PPHLN1: variants seen among roughly 807,000 people sequenced by gnomAD.
PPHLN1 encodes periphilin 1.
PPHLN1 carries 29 observed loss-of-function variants against 51.3 expected under a neutral mutation model. The ratio of observed to expected loss-of-function variants is 0.57; its 90% confidence interval spans 0.42 to 0.77. PPHLN1 has a LOEUF of 0.77. Among genes scored for constraint, PPHLN1 ranks in the 30% least tolerant of loss-of-function variants. The pLI, the probability that PPHLN1 is intolerant of heterozygous loss-of-function variation, is 0.00. For missense variants in PPHLN1, 436 were observed against 438.4 expected (o/e 0.99, Z 0.05); for synonymous variants, 147 against 147.8 (o/e 0.99, Z 0.04).
chr12:42,401,570 A>G (rs1027492131), intron 9 of PPHLN1, among the ~76,000 whole-genome samples: 2 of 151,878 alleles, frequency 1.3e-5, no homozygotes. Context: ...TGCTTGTCAG[A>G]TCAGTGGTGG....
intron 9 of PPHLN1, among the ~76,000 whole-genome samples, chr12:42,401,547 T>C: frequency 6.6e-6 from 1 of 151,900 alleles, no homozygotes; most frequent in South Asian, 2.1e-4. Flanking sequence ...GAGCATTACC[T>C]CCTCAGCTCT....
chr12:42,371,239 C>T (rs1378574541), intron 4 of PPHLN1, among the ~76,000 whole-genome samples: 2 of 151,732 alleles, frequency 1.3e-5, no homozygotes, highest in African/African-American at 4.8e-5. Flanking sequence ...CCCGCCTCAG[C>T]CCCCTGAATA....
chr12:42,423,103 C>T (rs540681916), intron 9 of PPHLN1, among the ~76,000 whole-genome samples: 12 of 152,218 alleles, frequency 7.9e-5, no homozygotes, highest in Middle Eastern at 3.4e-3. Flanking sequence ...TTGGAAGGAA[C>T]TTAATATCAT....
chr12:42,374,481 C>G (rs898216457), intron 4 of PPHLN1, among the ~76,000 whole-genome samples: 2 of 151,950 alleles, frequency 1.3e-5, no homozygotes, highest in African/African-American at 4.8e-5. Flanking sequence ...GCTCTGTTGC[C>G]CAGGCTGGAG....
At position 42,418,211 on chromosome 12, in the gene PPHLN1, C is replaced by CTTTTT. The variant is rs60029170; in HGVS notation, c.909+19239_909+19243dup. ...CGCCTCGACCACTGCTCCCGGCCCT[C>CTTTTT]TTTTTTTTTTTTTTTTTTTTTTTTT... On this transcript the variant is annotated intron_variant, in intron 9 of 9. Coordinates refer to ENST00000358314, the MANE Select transcript of PPHLN1 (RefSeq NM_201439.2). 1.4e-3 allele frequency among the ~76,000 whole-genome samples: 135 copies of CTTTTT among 98,348 alleles called. 5 individuals carry two copies. The highest frequency in any genetic ancestry group is 1.6e-3 in the Non-Finnish European group (85 of 52,814). The allele number at this position is 98,348 out of a possible 152,430, so 64.5% of individuals were successfully genotyped here. A position where few individuals can be genotyped will look rare whatever the true frequency, so the allele number is the denominator to read the frequency against.
chr12:42,411,910 A>T (rs1188085493), intron 9 of PPHLN1, among the ~76,000 whole-genome samples: 2 of 136,256 alleles, frequency 1.5e-5, no homozygotes, highest in Admixed American at 7.4e-5. Flanking sequence ...TCTCAAAAAA[A>T]AAAAAAAAAA....
At chr12:42,432,136 G>A (rs1307801866) in intron 9 of PPHLN1, 6 of 1,142,512 alleles carry the variant, frequency 5.3e-6, no homozygotes, top group Non-Finnish European at 8.0e-6. Context: ...CTGTCACGCT[G>A]ATGTCGGCTG....
intron 5 of PPHLN1, among the ~76,000 whole-genome samples, chr12:42,383,077 T>C (rs2076894145): frequency 6.6e-6 from 1 of 152,202 alleles, no homozygotes; most frequent in Non-Finnish European, 1.5e-5. Flanking sequence ...TATTAGAAGA[T>C]TGTTAAATAG....
chr12:42,406,224 C>A (rs896978444), intron 9 of PPHLN1, among the ~76,000 whole-genome samples: 9 of 151,876 alleles, frequency 5.9e-5, no homozygotes, highest in African/African-American at 2.2e-4. Context: ...GCTGGGACTA[C>A]AGGCACCCGC....
At chr12:42,424,898 G>GA (rs567055616) in intron 9 of PPHLN1, among the ~76,000 whole-genome samples, 1 of 151,202 alleles carries the variant, frequency 6.6e-6, no homozygotes, top group Admixed American at 6.6e-5. Context: ...AAAACAAAAA[G>GA]AAAAAAAGCA....
At chr12:42,399,504 A>T in intron 9 of PPHLN1, 1 of 801,090 alleles carries the variant, frequency 1.2e-6, no homozygotes, top group Non-Finnish European at 1.5e-6. Context: ...TCATTTTATG[A>T]GGATTAAATG....
chr12:42,397,585 C>T (rs539890132), intron 8 of PPHLN1, among the ~76,000 whole-genome samples: 1 of 151,996 alleles, frequency 6.6e-6, no homozygotes, highest in African/African-American at 2.4e-5. Context: ...GTGTATAGGC[C>T]TATGTCTTAG....
intron 5 of PPHLN1, among the ~76,000 whole-genome samples, chr12:42,383,983 CAAAAAAAAAAAAAA>C (rs61016692): frequency 0.084 from 4,347 of 51,840 alleles, 294 homozygotes; most frequent in African/African-American, 0.23. Flanking sequence ...GACTGTGTCT[CAAAAAAAAAAAAAA>C]AAAAAAAAAA....
chr12:42,394,964 C>T (rs1413270054), intron 8 of PPHLN1, among the ~76,000 whole-genome samples: 2 of 152,068 alleles, frequency 1.3e-5, no homozygotes, highest in African/African-American at 4.8e-5. Flanking sequence ...TACTTCATCT[C>T]CAATTAACAA....
chr12:42,384,117 G>A (rs1432924277), intron 5 of PPHLN1, among the ~76,000 whole-genome samples: 1 of 150,532 alleles, frequency 6.6e-6, no homozygotes, highest in Admixed American at 6.7e-5. Flanking sequence ...TGAATAATGA[G>A]AAAAGGATAC....
At chr12:42,396,807 G>A (rs1408372673) in intron 8 of PPHLN1, among the ~76,000 whole-genome samples, 1 of 150,164 alleles carries the variant, frequency 6.7e-6, no homozygotes, top group Non-Finnish European at 1.5e-5. Context: ...AAAGAAATGG[G>A]GACAGCGGGG....
intron 4 of PPHLN1, among the ~76,000 whole-genome samples, chr12:42,359,843 C>G (rs1276948840): frequency 6.6e-6 from 1 of 152,104 alleles, no homozygotes; most frequent in Non-Finnish European, 1.5e-5. Context: ...TGTGATGGCT[C>G]ACGCCTGTAA....
chr12:42,437,435 G>C (rs974047489), intron 9 of PPHLN1, among the ~76,000 whole-genome samples: 3 of 152,178 alleles, frequency 2.0e-5, no homozygotes, highest in Non-Finnish European at 4.4e-5. Context: ...AGCACAGTCA[G>C]CTGTAGGTAC....
rs774047767 is a variant in PPHLN1 at position 42,441,316 on chromosome 12, T to A, written c.911T>A (p.Val304Asp). The A allele has an allele frequency of 6.2e-7, 1 of 1,607,830 alleles. No individual in the cohort carries two copies. The highest frequency in any genetic ancestry group is 2.2e-5 in the East Asian group (1 of 44,800). Reference protein sequence around the residue: ...IASKTKEIEQVYRQDCETFGM... With the variant: ...IASKTKEIEQDYRQDCETFGM... ...ACCAGAATGTGTTTTACCTTTTAGG[T>A]TTACCGACAAGACTGTGAAACTTTC... Residue 304 changes from valine to aspartate, a missense_variant and splice_region_variant, in exon 10 of 10, where the codon GTT becomes GAT. Val to Asp is a radical substitution (Grantham distance 152). Transcript: ENST00000358314.
Sources: gnomAD v4.1 joint callset for allele counts (sites outside exome capture counted in the v4.1 genomes callset) on GRCh38, gnomAD v4.1.1 for gene constraint, MANE v1.5 for transcripts, NCBI Gene and HGNC (gene_info 2026-07-23, HGNC 2026-07-21) for gene names.